Variants in RNF145 observed in about 807,000 individuals in gnomAD.
The protein encoded by RNF145 is ring finger protein 145.
In RNF145, 12 loss-of-function variants were observed where a neutral mutation model predicts 57.3. The ratio of observed to expected loss-of-function variants is 0.21; its 90% CI spans 0.13 to 0.34. The LOEUF (loss-of-function observed/expected upper bound fraction) is 0.34. Among genes scored for constraint, RNF145 ranks in the 10% least tolerant of loss-of-function variants. The pLI is 1.00. For synonymous variants in RNF145, 262 were observed against 288.3 expected, an observed-to-expected ratio of 0.91 and a Z score of 0.92; for missense variants, 429 against 799.0, an observed-to-expected ratio of 0.54 and a Z score of 5.58.
At chr5:159,167,330 C>T (rs1044214983) in intron 8 of RNF145, among the ~76,000 whole-genome samples, 9 of 152,120 alleles carry the variant, frequency 5.9e-5, no homozygotes, top group African/African-American at 2.2e-4. Flanking sequence ...ACACAGACAC[C>T]AATTCAAAGT....
Position 159,209,509 on chromosome 5 carries a change from G to GGCGGCGGCGGCGGCA in RNF145, c.-319_-318insTGCCGCCGCCGCCGC, listed in dbSNP as rs1786032201. ...CTTAGCAGCCGGCGCCGGCGTCGGC[G>GGCGGCGGCGGCGGCA]GCCATGGCCTCCTGCGTTTGCTCCT... On this transcript the variant is annotated 5_prime_UTR_variant, in exon 1 of 11. Transcript: ENST00000424310. 19 of 981,586 alleles carry GGCGGCGGCGGCGGCA rather than the reference G, an allele frequency of 1.9e-5. No homozygotes were observed. The South Asian group carries it at 5.0e-4, about 26-fold the overall frequency. The allele number at this position is 981,586 out of a possible 1,614,324, so 60.8% of individuals were successfully genotyped here.
intron 3 of RNF145, among the ~76,000 whole-genome samples, chr5:159,185,338 C>G (rs143654804): frequency 3.9e-5 from 6 of 152,254 alleles, no homozygotes; most frequent in African/African-American, 1.4e-4. Flanking sequence ...CACTATGGAG[C>G]TGTCACTTCT....
At chr5:159,161,188 G>T in intron 10 of RNF145, 78 bp downstream of exon 10, 1 of 846,564 alleles carries the variant, frequency 1.2e-6, no homozygotes, top group Non-Finnish European at 1.8e-6. Flanking sequence ...AATTTAAGTT[G>T]AATTTGGTTA....
intron 3 of RNF145, among the ~76,000 whole-genome samples, chr5:159,186,472 G>A (rs1403246569): frequency 1.3e-5 from 2 of 152,114 alleles, no homozygotes; most frequent in Non-Finnish European, 2.9e-5. Context: ...TTCAAACAAC[G>A]TTAATTCCAA....
At chr5:159,168,562 G>A (rs1376806457) in intron 8 of RNF145, among the ~76,000 whole-genome samples, 2 of 151,898 alleles carry the variant, frequency 1.3e-5, no homozygotes, top group African/African-American at 2.4e-5. Flanking sequence ...TATGCTCTAT[G>A]TTCTTAATTT....
chr5:159,203,914 G>GC (rs1401442193), intron 1 of RNF145, among the ~76,000 whole-genome samples: 1 of 151,998 alleles, frequency 6.6e-6, no homozygotes, highest in Non-Finnish European at 1.5e-5. Context: ...TTTTTAAAAG[G>GC]CCACTAACTC....
intron 7 of RNF145, 149 bp downstream of exon 7, chr5:159,169,530 A>T: frequency 1.7e-6 from 1 of 575,168 alleles, no homozygotes; most frequent in Non-Finnish European, 3.0e-6. Context: ...ATTTTTTCAT[A>T]GTATTTTAAC....
In RNF145 at chr5:159,183,630, A is replaced by G. The variant is rs575046893; in HGVS notation, c.294-1579T>C. On this transcript the variant is annotated intron_variant, in intron 3 of 10. Coordinates refer to ENST00000424310, the MANE Select transcript of RNF145 (RefSeq NM_001199383.2). ...TATATAAATAGTATTAATACAAAGT[A>G]TTTTAAAATGCTATTTGAAAAATAA... Among the ~76,000 whole-genome samples, 10 of 152,336 alleles carry G rather than the reference A, an allele frequency of 6.6e-5. No individual in the cohort carries two copies. The South Asian group carries it at 2.1e-3, about 32-fold the overall frequency.
chr5:159,186,117 T>C (rs1785045762), intron 3 of RNF145, among the ~76,000 whole-genome samples: 1 of 152,010 alleles, frequency 6.6e-6, no homozygotes, highest in South Asian at 2.1e-4. Context: ...CCCGGCTACT[T>C]GGGAGGCTGA....
chr5:159,207,802 C>T, intron 1 of RNF145: 2 of 1,614,180 alleles, frequency 1.2e-6, no homozygotes, highest in Non-Finnish European at 1.7e-6. Flanking sequence ...CTCATCATCT[C>T]CCAAACCGCA....
chr5:159,173,657 A>C (rs80307830), intron 6 of RNF145, among the ~76,000 whole-genome samples: 1 of 152,318 alleles, frequency 6.6e-6, no homozygotes, highest in Non-Finnish European at 1.5e-5. Context: ...ATACTCAATA[A>C]ATGTTATTTT....
rs1258966039 is a variant in RNF145, at chr5:159,158,601, G to C, written c.*69C>G. 2.6e-6 allele frequency: 4 copies of C among 1,524,108 alleles called. No homozygotes were observed. The highest frequency in any genetic ancestry group is 2.7e-5 in the African/African-American group (2 of 72,814). 94.4% of individuals were successfully genotyped at this position (1,524,108 alleles called of 1,614,324 possible). Reference sequence around the variant, plus strand: ...CATCTCATTTTCATTCCTCAAATCAGAACATGAATTCCATCTTGAGTTAAC... The same window carrying C: ...CATCTCATTTTCATTCCTCAAATCACAACATGAATTCCATCTTGAGTTAAC... On this transcript the variant is annotated 3_prime_UTR_variant, in exon 11 of 11. Transcript: ENST00000424310.
chr5:159,204,827 A>AAAAAAAAAAAG (rs147292059), intron 1 of RNF145, among the ~76,000 whole-genome samples: 1 of 105,666 alleles, frequency 9.5e-6, no homozygotes, highest in African/African-American at 4.0e-5. Context: ...AAAAAAAAAA[A>AAAAAAAAAAAG]GCAAACAAAA....
rs1196783737 is a variant in RNF145 at position 159,158,666 on chromosome 5, T to C, written c.*4A>G. ...ATCAAAGCATCATTCCTGCTGCTTC[T>C]CCTCTAGGCTGATTCAACAGGATGT... On this transcript the variant is annotated 3_prime_UTR_variant, in exon 11 of 11. Transcript: ENST00000424310. 6.2e-7 allele frequency: 1 copy of C among 1,610,252 alleles called. No homozygotes were observed. Among genetic ancestry groups the C allele is most frequent in the Non-Finnish European group, 8.5e-7 (1 of 1,177,240 alleles).
intron 4 of RNF145, among the ~76,000 whole-genome samples, chr5:159,181,170 A>G (rs987120134): frequency 1.2e-4 from 18 of 151,888 alleles, no homozygotes; most frequent in Non-Finnish European, 1.8e-4. Context: ...AAATAAAAAT[A>G]AAAGTGTAAC....
chr5:159,163,914 T>C (rs891182428), intron 8 of RNF145, among the ~76,000 whole-genome samples: 2 of 152,208 alleles, frequency 1.3e-5, no homozygotes, highest in African/African-American at 4.8e-5. Flanking sequence ...TTAGGCTAGT[T>C]CAAGCTAAAC....
Position 159,194,841 on chromosome 5 carries a change from A to G in RNF145, c.185-17T>C. The G allele has an allele frequency of 6.8e-7, 1 of 1,468,014 alleles. No individual in the cohort carries two copies. Among genetic ancestry groups the G allele is most frequent in the Non-Finnish European group, 9.4e-7 (1 of 1,068,484 alleles). 90.9% of individuals were successfully genotyped at this position (1,468,014 alleles called of 1,614,324 possible). On this transcript the variant is annotated splice_polypyrimidine_tract_variant and intron_variant, in intron 2 of 10. Transcript: ENST00000424310. ...AGATATAACCTGTACCAGAAAGATA[A>G]ATAAAATACAATTTTAATTTAGTTT...
chr5:159,178,315 C>T (rs1784779560), intron 4 of RNF145, among the ~76,000 whole-genome samples: 1 of 151,912 alleles, frequency 6.6e-6, no homozygotes. Context: ...ATCATCCATT[C>T]CTTTCTCATT....
At chr5:159,203,711 T>C (rs1584713532) in intron 1 of RNF145, 55 bp from the exon 2 acceptor site, 3 of 1,179,382 alleles carry the variant, frequency 2.5e-6, no homozygotes, top group South Asian at 2.8e-5. Flanking sequence ...AAATCGCTTT[T>C]AGATACCCTT....
Sources: gnomAD v4.1 joint callset for allele counts (sites outside exome capture counted in the v4.1 genomes callset) on GRCh38, gnomAD v4.1.1 for gene constraint, MANE v1.5 for transcripts, NCBI Gene and HGNC (gene_info 2026-07-23, HGNC 2026-07-21) for gene names.